OSBPL1A: variants seen among roughly 807,000 people sequenced by gnomAD.
The protein encoded by OSBPL1A is oxysterol-binding protein-related protein 1.
Under a neutral mutation model 137.1 loss-of-function variants are expected in OSBPL1A, and 80 were observed. The observed-to-expected ratio is 0.58, with a 90% confidence interval of 0.49 to 0.70. The LOEUF is 0.70. Ranked by LOEUF, OSBPL1A falls within the 30% of genes least tolerant of loss-of-function variation. The pLI, the probability that OSBPL1A is intolerant of heterozygous loss-of-function variation, is 0.00. For synonymous variants in OSBPL1A, 365 were observed against 389.7 expected, an observed-to-expected ratio of 0.94 and a Z score of 0.75; for missense variants, 970 against 1,129.4, an observed-to-expected ratio of 0.86 and a Z score of 2.02.
At chr18:24,199,294 G>C (rs564411670) in intron 17 of OSBPL1A, among the ~76,000 whole-genome samples, 1 of 152,296 alleles carries the variant, frequency 6.6e-6, no homozygotes, top group Non-Finnish European at 1.5e-5. Flanking sequence ...AAAGCTGGGG[G>C]TGTGGCGAAC....
At chr18:24,376,937 CG>C (rs1906211674) in intron 2 of OSBPL1A, among the ~76,000 whole-genome samples, 1 of 152,224 alleles carries the variant, frequency 6.6e-6, no homozygotes, top group Admixed American at 6.5e-5. Flanking sequence ...GCAAACGCCG[CG>C]CGCAGCCCTG....
chr18:24,187,304 A>G (rs1351398425), intron 18 of OSBPL1A, among the ~76,000 whole-genome samples: 2 of 152,146 alleles, frequency 1.3e-5, no homozygotes, highest in Non-Finnish European at 2.9e-5. Flanking sequence ...AGTTCTGTGG[A>G]TGGACAGTGG....
chr18:24,395,943 A>G lies in OSBPL1A; in HGVS notation c.-3+1712T>C, dbSNP rs553460933. 8.8e-4 allele frequency among the ~76,000 whole-genome samples: 131 copies of G among 149,034 alleles called. 2 individuals carry two copies. In the Middle Eastern group the frequency reaches 0.01, roughly 12 times the overall value. On this transcript the variant is annotated intron_variant, in intron 1 of 27. Coordinates refer to ENST00000319481, the MANE Select transcript of OSBPL1A (RefSeq NM_080597.4). ...GGCCAGGAATACTTTTATAGAAATAATATCTGTGGCTCACACCTGTAAATC... is the reference window on the plus strand; with the variant it reads ...GGCCAGGAATACTTTTATAGAAATAGTATCTGTGGCTCACACCTGTAAATC...
At position 24,163,089 on chromosome 18, in the gene OSBPL1A, A is replaced by T; in HGVS notation, c.*90T>A. Reference sequence around the variant, plus strand: ...AGTGTTTTTTCATTTTTTTTTTTAAAAGATAAGTAGAAACCAAGGGAAAAA... The same window carrying T: ...AGTGTTTTTTCATTTTTTTTTTTAATAGATAAGTAGAAACCAAGGGAAAAA... On this transcript the variant is annotated 3_prime_UTR_variant, in exon 28 of 28. Coordinates refer to ENST00000319481, the MANE Select transcript of OSBPL1A (RefSeq NM_080597.4). The T allele has an allele frequency of 1.1e-6, 1 of 919,130 alleles. No homozygotes were observed. The highest frequency in any genetic ancestry group is 1.6e-6 in the Non-Finnish European group (1 of 623,724). The allele number at this position is 919,130 out of a possible 1,614,324, so 56.9% of individuals were successfully genotyped here.
At position 24,239,394 on chromosome 18, in the gene OSBPL1A, C is replaced by T; in HGVS notation, c.1282-12G>A. 1 of 1,610,278 alleles carries T rather than the reference C, an allele frequency of 6.2e-7. No individual in the cohort carries two copies. Among genetic ancestry groups the T allele is most frequent in the Non-Finnish European group, 8.5e-7 (1 of 1,177,656 alleles). ...TTAAAATTCCTCACCTAGAAGAAAA[C>T]AGATATACAGAAAAGACTTCAGAGT... On this transcript the variant is annotated splice_polypyrimidine_tract_variant and intron_variant, in intron 15 of 27. Coordinates refer to ENST00000319481, the MANE Select transcript of OSBPL1A (RefSeq NM_080597.4).
chr18:24,268,213 C>T (rs2089630362), intron 15 of OSBPL1A, among the ~76,000 whole-genome samples: 1 of 151,978 alleles, frequency 6.6e-6, no homozygotes, highest in Admixed American at 6.6e-5. Context: ...CTTCCCAGGC[C>T]CAAGTGATCC....
At chr18:24,275,447 A>G (rs1227282442) in intron 15 of OSBPL1A, among the ~76,000 whole-genome samples, 2 of 152,216 alleles carry the variant, frequency 1.3e-5, no homozygotes, top group Non-Finnish European at 2.9e-5. Context: ...ACAGAGACAG[A>G]AGGCCAGAGA....
intron 4 of OSBPL1A, among the ~76,000 whole-genome samples, chr18:24,344,311 A>T (rs190542948): frequency 7.0e-4 from 106 of 152,238 alleles, no homozygotes; most frequent in African/African-American, 2.2e-3. Flanking sequence ...TTAGCCGGGC[A>T]TGGTGGCATA....
intron 14 of OSBPL1A, among the ~76,000 whole-genome samples, chr18:24,292,194 T>C (rs1054311330): frequency 2.6e-5 from 4 of 152,122 alleles, no homozygotes; most frequent in African/African-American, 4.8e-5. Context: ...TTAGATAAGG[T>C]AGAAATTCTT....
chr18:24,267,055 T>C (rs1308604636), intron 15 of OSBPL1A, among the ~76,000 whole-genome samples: 4 of 151,634 alleles, frequency 2.6e-5, no homozygotes, highest in Admixed American at 2.6e-4. Flanking sequence ...TGAGATTCAT[T>C]TGAAAAGAAA....
intron 6 of OSBPL1A, 46 bp downstream of exon 6, chr18:24,334,199 A>G (rs949019660): frequency 6.6e-7 from 1 of 1,525,984 alleles, no homozygotes; most frequent in African/African-American, 1.4e-5. Context: ...CTGAAGTGTA[A>G]AGAAAGACTG....
intron 15 of OSBPL1A, among the ~76,000 whole-genome samples, chr18:24,248,988 C>T (rs1298704182): frequency 3.3e-5 from 5 of 152,194 alleles, no homozygotes; most frequent in Non-Finnish European, 2.9e-5. Context: ...AAACAAAAGT[C>T]GTGTTCACTC....
At chr18:24,381,521 T>C (rs1906586714) in intron 1 of OSBPL1A, among the ~76,000 whole-genome samples, 2 of 152,350 alleles carry the variant, frequency 1.3e-5, no homozygotes, top group South Asian at 4.1e-4. Context: ...GGGAACTTCA[T>C]CTAACAGTGA....
At chr18:24,218,809 T>C (rs1486056173) in intron 17 of OSBPL1A, among the ~76,000 whole-genome samples, 1 of 152,098 alleles carries the variant, frequency 6.6e-6, no homozygotes, top group African/African-American at 2.4e-5. Context: ...AGAGTATAGT[T>C]TAAAGTGTTC....
intron 11 of OSBPL1A, among the ~76,000 whole-genome samples, chr18:24,316,626 G>T (rs1028154301): frequency 6.6e-6 from 1 of 152,150 alleles, no homozygotes; most frequent in Admixed American, 6.5e-5. Flanking sequence ...TCATAAGTAT[G>T]TTATCAATAA....
intron 15 of OSBPL1A, among the ~76,000 whole-genome samples, chr18:24,262,458 T>C (rs1296239723): frequency 1.3e-5 from 2 of 152,154 alleles, no homozygotes; most frequent in Admixed American, 1.3e-4. Flanking sequence ...AGTTTAATCA[T>C]AATCTAAACA....
intron 15 of OSBPL1A, among the ~76,000 whole-genome samples, chr18:24,272,792 T>C (rs931958985): frequency 6.6e-6 from 1 of 152,182 alleles, no homozygotes; most frequent in Non-Finnish European, 1.5e-5. Flanking sequence ...GTAATTGCAC[T>C]ACAGACCTAG....
At chr18:24,336,574 C>T (rs890047491) in intron 5 of OSBPL1A, among the ~76,000 whole-genome samples, 1 of 152,172 alleles carries the variant, frequency 6.6e-6, no homozygotes. Context: ...TCTGCATATA[C>T]TTTATATCTC....
At chr18:24,293,337 G>A (rs1464676049) in intron 14 of OSBPL1A, among the ~76,000 whole-genome samples, 1 of 152,056 alleles carries the variant, frequency 6.6e-6, no homozygotes, top group African/African-American at 2.4e-5. Context: ...GAGGAACCCG[G>A]CAGCACTGCG....
Sources: allele counts gnomAD v4.1 joint callset (sites outside exome capture counted in the v4.1 genomes callset), GRCh38; gene constraint gnomAD v4.1.1; transcripts MANE v1.5; gene names NCBI Gene and HGNC (gene_info 2026-07-23, HGNC 2026-07-21).